Variants in SORCS2 observed in about 807,000 individuals in gnomAD.
SORCS2 encodes the protein sortilin related VPS10 domain containing receptor 2.
SORCS2 carries 100 observed loss-of-function variants against 141.6 expected under a neutral mutation model. The observed-to-expected ratio is 0.71, with a 90% CI of 0.60 to 0.83. The LOEUF is 0.83. SORCS2 is among the 40% of genes least tolerant of loss of function. SORCS2 has a pLI of 0.00. For synonymous variants in SORCS2, 789 were observed against 676.9 expected (o/e 1.17, Z -2.57); for missense variants, 1,646 against 1,560.2 (o/e 1.05, Z -0.93).
At chr4:7,702,240 G>A (rs1725133110) in intron 12 of SORCS2, among the ~76,000 whole-genome samples, 2 of 152,198 alleles carry the variant, frequency 1.3e-5, no homozygotes, top group African/African-American at 4.8e-5. Context: ...AGATGGGCAA[G>A]GGTGGGAGGG....
chr4:7,378,636 C>T (rs966312521), intron 1 of SORCS2, among the ~76,000 whole-genome samples: 3 of 152,184 alleles, frequency 2.0e-5, no homozygotes, highest in Non-Finnish European at 4.4e-5. Context: ...GAGATTATTG[C>T]AATTCAAGGT....
At chr4:7,730,791 G>T (rs541617932) in intron 23 of SORCS2, among the ~76,000 whole-genome samples, 3 of 152,186 alleles carry the variant, frequency 2.0e-5, no homozygotes, top group Non-Finnish European at 4.4e-5. Context: ...GGATGAAAAC[G>T]TGCAGGAATT....
At chr4:7,374,405 C>T (rs574343438) in intron 1 of SORCS2, among the ~76,000 whole-genome samples, 19 of 152,168 alleles carry the variant, frequency 1.2e-4, no homozygotes, top group African/African-American at 3.9e-4. Context: ...CTGAAAGTGG[C>T]GTGCTCACAT....
At position 7,391,711 on chromosome 4, in the gene SORCS2, C is replaced by T. The variant is rs561798041; in HGVS notation, c.481-4577C>T. Among the ~76,000 whole-genome samples, 6 of 152,286 alleles carry T rather than the reference C, an allele frequency of 3.9e-5. No individual in the cohort carries two copies. In the East Asian group the frequency reaches 1.2e-3, roughly 29 times the overall value. On this transcript the variant is annotated intron_variant, in intron 1 of 26. Transcript: ENST00000507866. ...GATCTACCAGGACCAGGGTCTGTCCCCGCCAAACCCTTTCTTTTCTCTGAA... is the reference window on the plus strand; with the variant it reads ...GATCTACCAGGACCAGGGTCTGTCCTCGCCAAACCCTTTCTTTTCTCTGAA...
intron 1 of SORCS2, among the ~76,000 whole-genome samples, chr4:7,321,785 G>A (rs1718909126): frequency 6.6e-6 from 1 of 152,198 alleles, no homozygotes; most frequent in African/African-American, 2.4e-5. Flanking sequence ...ATATCTCTGA[G>A]GTGGGAATGT....
At chr4:7,346,419 C>T (rs958105111) in intron 1 of SORCS2, among the ~76,000 whole-genome samples, 2 of 152,282 alleles carry the variant, frequency 1.3e-5, no homozygotes, top group South Asian at 4.1e-4. Flanking sequence ...ATGATTCCAA[C>T]CCTTTAATAT....
chr4:7,476,079 C>T (rs1730273871), intron 2 of SORCS2, among the ~76,000 whole-genome samples: 1 of 152,204 alleles, frequency 6.6e-6, no homozygotes, highest in Non-Finnish European at 1.5e-5. Flanking sequence ...AGGCGCTTCT[C>T]TCTCCTGAGA....
chr4:7,283,934 G>T (rs1716044363), intron 1 of SORCS2, among the ~76,000 whole-genome samples: 1 of 152,122 alleles, frequency 6.6e-6, no homozygotes, highest in South Asian at 2.1e-4. Flanking sequence ...TTTTGATCTT[G>T]CCCCTTGGCC....
intron 2 of SORCS2, chr4:7,434,243 A>G (rs1449344031): frequency 1.2e-6 from 2 of 1,613,428 alleles, no homozygotes; most frequent in African/African-American, 1.3e-5. Flanking sequence ...AAGGACTCAC[A>G]CTGCTCCTGG....
intron 3 of SORCS2, among the ~76,000 whole-genome samples, chr4:7,558,919 C>A (rs926256942): frequency 6.6e-6 from 1 of 152,212 alleles, no homozygotes; most frequent in Non-Finnish European, 1.5e-5. Context: ...CTCCGAGGAC[C>A]TTTTCTGTCC....
At chr4:7,338,421 A>AGGATGGATGGAC (rs1720157266) in intron 1 of SORCS2, among the ~76,000 whole-genome samples, 2 of 148,566 alleles carry the variant, frequency 1.3e-5, no homozygotes, top group Non-Finnish European at 3.0e-5. Context: ...GTTGGATGGA[A>AGGATGGATGGAC]GGATGGATGG....
intron 1 of SORCS2, among the ~76,000 whole-genome samples, chr4:7,215,911 G>A (rs1452223631): frequency 5.9e-5 from 9 of 151,270 alleles, no homozygotes; most frequent in African/African-American, 2.2e-4. Flanking sequence ...TCAGCAGGAT[G>A]TGGGTGGGGC....
At chr4:7,726,941 A>C in intron 21 of SORCS2, 38 bp downstream of exon 21, 1 of 1,593,898 alleles carries the variant, frequency 6.3e-7, no homozygotes, top group South Asian at 1.1e-5. Context: ...CGGCCTCTGC[A>C]TCTCTGCTGC....
intron 3 of SORCS2, among the ~76,000 whole-genome samples, chr4:7,605,303 T>G (rs974781333): frequency 4.6e-5 from 7 of 152,170 alleles, no homozygotes; most frequent in African/African-American, 1.4e-4. Flanking sequence ...CTGCTTGCAT[T>G]CTTTGGTCAT....
intron 3 of SORCS2, among the ~76,000 whole-genome samples, chr4:7,571,999 A>G (rs1027050829): frequency 1.3e-5 from 2 of 152,148 alleles, no homozygotes; most frequent in Non-Finnish European, 2.9e-5. Flanking sequence ...GCCTGCAGGA[A>G]GAACCTGACA....
At chr4:7,204,904 G>C (rs976861210) in intron 1 of SORCS2, among the ~76,000 whole-genome samples, 1 of 152,220 alleles carries the variant, frequency 6.6e-6, no homozygotes, top group African/African-American at 2.4e-5. Flanking sequence ...GGCCGCGCTT[G>C]CTAAGGGTAA....
intron 1 of SORCS2, among the ~76,000 whole-genome samples, chr4:7,387,945 TACAC>T (rs1172733482): frequency 2.9e-5 from 3 of 103,954 alleles, no homozygotes; most frequent in African/African-American, 1.3e-4. Flanking sequence ...CCGATACACA[TACAC>T]ACATGCACAC....
chr4:7,424,041 G>T (rs1349540808), intron 2 of SORCS2, among the ~76,000 whole-genome samples: 2 of 152,212 alleles, frequency 1.3e-5, no homozygotes, highest in Non-Finnish European at 2.9e-5. Flanking sequence ...GTGCACAGCT[G>T]GGAGGATGCT....
intron 2 of SORCS2, among the ~76,000 whole-genome samples, chr4:7,517,144 C>G (rs904379493): frequency 6.6e-6 from 1 of 152,222 alleles, no homozygotes; most frequent in Admixed American, 6.5e-5. Flanking sequence ...GTTTTCTGAT[C>G]AGACACACTG....
Sources: allele counts gnomAD v4.1 joint callset (sites outside exome capture counted in the v4.1 genomes callset), GRCh38; gene constraint gnomAD v4.1.1; transcripts MANE v1.5; gene names NCBI Gene and HGNC (gene_info 2026-07-23, HGNC 2026-07-21).